Variants in NAA15 observed in about 807,000 individuals in gnomAD.
The protein encoded by NAA15 is N-alpha-acetyltransferase 15, NatA auxiliary subunit.
Under a neutral mutation model 114.0 loss-of-function variants are expected in NAA15, and 34 were observed. The observed-to-expected ratio is 0.30, with a 90% confidence interval of 0.23 to 0.40. The LOEUF (loss-of-function observed/expected upper bound fraction) is 0.40, where lower values mean the gene tolerates loss of function less well. Ranked by LOEUF, NAA15 falls within the 10% of genes least tolerant of loss-of-function variation. The probability of loss-of-function intolerance (pLI) is 1.00; values close to 1 mark genes in which losing one functional copy is unlikely to be tolerated. For missense variants in NAA15, 658 were observed against 1,004.5 expected (o/e 0.66, Z 4.66); for synonymous variants, 340 against 338.0 (o/e 1.01, Z -0.06).
At chr4:139,324,741 G>A (rs936987583) in intron 1 of NAA15, among the ~76,000 whole-genome samples, 11 of 152,288 alleles carry the variant, frequency 7.2e-5, no homozygotes, top group Admixed American at 2.0e-4. Context: ...GACCAGCCTG[G>A]CCAACATCCA....
At chr4:139,381,922 G>A (rs1018715798) in intron 17 of NAA15, among the ~76,000 whole-genome samples, 7 of 152,146 alleles carry the variant, frequency 4.6e-5, no homozygotes, top group Non-Finnish European at 1.0e-4. Context: ...TCGCTCATCA[G>A]TTATTACTTT....
At chr4:139,301,899 C>A in intron 1 of NAA15, 68 bp downstream of exon 1, 1 of 1,508,674 alleles carries the variant, frequency 6.6e-7, no homozygotes. Context: ...CACCCCTAAC[C>A]TCGGCCCGGC....
rs559375809 is a variant in NAA15, at chr4:139,315,797, A to C, written c.54+13966A>C. ...TTTTATTTGCTTATTTTTTATTTTT[A>C]TTTTTTACTTAAGAGAGTTTATATT... On this transcript the variant is annotated intron_variant, in intron 1 of 19. Transcript: ENST00000296543. Among the ~76,000 whole-genome samples the C allele has an allele frequency of 1.0e-3, 150 of 149,724 alleles. 1 individual carries two copies. Among genetic ancestry groups the C allele is most frequent in the African/African-American group, 2.7e-3 (109 of 40,616 alleles).
intron 1 of NAA15, among the ~76,000 whole-genome samples, chr4:139,307,650 A>T (rs898637020): frequency 1.3e-4 from 20 of 152,240 alleles, no homozygotes; most frequent in African/African-American, 4.6e-4. Flanking sequence ...ATTTAAATTC[A>T]AATAGTCACA....
intron 6 of NAA15, among the ~76,000 whole-genome samples, chr4:139,347,144 G>A (rs948669203): frequency 6.6e-6 from 1 of 152,042 alleles, no homozygotes; most frequent in East Asian, 1.9e-4. Context: ...TAACCTTGGC[G>A]CTGTTGACAT....
chr4:139,374,107 G>T (rs1197777789), intron 15 of NAA15, among the ~76,000 whole-genome samples: 1 of 151,912 alleles, frequency 6.6e-6, no homozygotes, highest in Non-Finnish European at 1.5e-5. Context: ...TAAACTTTTT[G>T]TTGCTGTGCT....
At chr4:139,358,396 A>G (rs1029232768) in intron 11 of NAA15, among the ~76,000 whole-genome samples, 1 of 151,982 alleles carries the variant, frequency 6.6e-6, no homozygotes, top group African/African-American at 2.4e-5. Context: ...GAGTTTCGCC[A>G]TGTTGGCTAG....
In NAA15 at chr4:139,386,315, T is replaced by C. The variant is rs868672963; in HGVS notation, c.2400+85T>C. 5 of 668,874 alleles carry C rather than the reference T, an allele frequency of 7.5e-6. No homozygotes were observed. In the Middle Eastern group the frequency reaches 7.7e-4, roughly 103 times the overall value. 41.4% of individuals were successfully genotyped at this position (668,874 alleles called of 1,614,324 possible). On this transcript the variant is annotated intron_variant, in intron 19 of 19. Transcript: ENST00000296543. ...AATAATTGGGTATTTATACACACTG[T>C]TTTTTAAATCATTATGAATCTGGGT... is the stretch of plus-strand genomic sequence containing the variant.
chr4:139,331,180 A>T (rs1464454270), intron 1 of NAA15, among the ~76,000 whole-genome samples: 1 of 152,190 alleles, frequency 6.6e-6, no homozygotes, highest in African/African-American at 2.4e-5. Flanking sequence ...AAGATTTATG[A>T]TGAAAGAAAT....
intron 14 of NAA15, among the ~76,000 whole-genome samples, chr4:139,365,675 A>G (rs1270099702): frequency 6.6e-6 from 1 of 151,852 alleles, no homozygotes; most frequent in African/African-American, 2.4e-5. Flanking sequence ...GTCTCTACAA[A>G]TACAAAAAAA....
chr4:139,342,278 T>TTGGTCTTAAGTTTTAAAAACTTAAATC, intron 4 of NAA15, among the ~76,000 whole-genome samples: 1 of 152,098 alleles, frequency 6.6e-6, no homozygotes, highest in Non-Finnish European at 1.5e-5. Flanking sequence ...GGTCTTAAGT[T>TTGGTCTTAAGTTTTAAAAACTTAAATC]TGGTCTTAAG....
chr4:139,327,234 G>A (rs1035313965), intron 1 of NAA15, among the ~76,000 whole-genome samples: 4 of 151,938 alleles, frequency 2.6e-5, no homozygotes, highest in African/African-American at 9.7e-5. Context: ...ACCGTGCCAG[G>A]CCAGTAAATC....
rs1490062734 is a variant in NAA15, at chr4:139,388,071, C to T, written c.2588C>T (p.Ala863Val). ...AGTTCTGCAGAAGCTGAAGAACTGG[C>T]CAATGAAATTTGAACATCACTAAAC... The part of the protein sequence containing the change: ...GDSSAEAEEL[A>V]NEI The change falls in exon 20 of 20, where the codon GCC (alanine) becomes GTC (valine). Residue 863 changes from alanine to valine, a missense_variant. Physicochemically the swap from Ala to Val is moderately conservative, Grantham distance 64 (BLOSUM62 0). This residue lies in a region of NAA15 where 275 missense variants were observed against 371.1 expected (regional missense o/e 0.74). Transcript: ENST00000296543. 6.2e-7 allele frequency: 1 copy of T among 1,613,050 alleles called. No individual in the cohort carries two copies. The highest frequency in any genetic ancestry group is 1.3e-5 in the African/African-American group (1 of 74,758).
chr4:139,302,029 C>T lies in NAA15; in HGVS notation c.54+198C>T, dbSNP rs72939464. On this transcript the variant is annotated intron_variant, in intron 1 of 19. Coordinates refer to ENST00000296543, the MANE Select transcript of NAA15 (RefSeq NM_057175.5). ...CCCGCGCGCCAGGGACCACAGGCTT[C>T]TTCATTCCATCCCCACGCTTGAGGC... is the stretch of plus-strand genomic sequence containing the variant. 2.5e-3 allele frequency: 1,229 copies of T among 490,090 alleles called. 13 individuals carry two copies. The highest frequency in any genetic ancestry group is 0.022 in the African/African-American group (1,121 of 49,996). 30.4% of individuals were successfully genotyped at this position (490,090 alleles called of 1,614,324 possible).
At position 139,342,924 on chromosome 4, in the gene NAA15, A is replaced by C. The variant is rs764776468; in HGVS notation, c.501A>C (p.Ala167=). Residue 167 remains alanine, a synonymous_variant, in exon 5 of 20, where the codon GCA becomes GCC. Transcript: ENST00000296543. ...ATTTATTAGAAGATTATGAAATGGC[A>C]GCAAAGATTTTAGAAGAATTTAGGA... ...AYHLLEDYEM[A]AKILEEFRKT... is the part of the protein sequence containing the mutation. 2 of 1,613,622 alleles carry C rather than the reference A, an allele frequency of 1.2e-6. No individual in the cohort carries two copies. Among genetic ancestry groups the C allele is most frequent in the Non-Finnish European group, 1.7e-6 (2 of 1,179,550 alleles).
chr4:139,355,687 T>C (rs1747927693), intron 10 of NAA15, among the ~76,000 whole-genome samples: 1 of 152,230 alleles, frequency 6.6e-6, no homozygotes, highest in Non-Finnish European at 1.5e-5. Flanking sequence ...AGGACACTTC[T>C]GTCATGACAG....
intron 1 of NAA15, among the ~76,000 whole-genome samples, chr4:139,311,061 A>G (rs1412425202): frequency 6.6e-6 from 1 of 151,400 alleles, no homozygotes; most frequent in Non-Finnish European, 1.5e-5. Context: ...GGTAGCTGGG[A>G]CTACAGGCAC....
chr4:139,376,086 C>G (rs775177908), intron 15 of NAA15, among the ~76,000 whole-genome samples: 2 of 152,134 alleles, frequency 1.3e-5, no homozygotes, highest in Non-Finnish European at 2.9e-5. Context: ...TGACCTGTTT[C>G]TCTTTCTGTC....
In NAA15 at chr4:139,334,271, A is replaced by G; in HGVS notation, c.139+13A>G. The G allele has an allele frequency of 3.2e-6, 5 of 1,556,060 alleles. No individual in the cohort carries two copies. Among genetic ancestry groups the G allele is most frequent in the Non-Finnish European group, 4.4e-6 (5 of 1,144,638 alleles). ...GCAGAGCATGGAGGTAAGTGCAAGT[A>G]GATAAAGCTTTACTACATACCTGTC... On this transcript the variant is annotated intron_variant, in intron 2 of 19. Transcript: ENST00000296543.
Sources: allele counts gnomAD v4.1 joint callset (sites outside exome capture counted in the v4.1 genomes callset), GRCh38; gene constraint gnomAD v4.1.1; regional missense constraint gnomAD v4.1.1; transcripts MANE v1.5; gene names NCBI Gene and HGNC (gene_info 2026-07-23, HGNC 2026-07-21).